INAVA: variants seen among roughly 807,000 people sequenced by gnomAD.
INAVA encodes the protein innate immunity activator protein.
INAVA carries 32 observed loss-of-function variants against 55.3 expected under a neutral mutation model. The observed-to-expected ratio is 0.58, with a 90% CI of 0.44 to 0.78. INAVA has a LOEUF of 0.78. Among genes scored for constraint, INAVA ranks in the 30% least tolerant of loss-of-function variants. The pLI is 0.00. For synonymous variants in INAVA, 294 were observed against 329.4 expected (o/e 0.89, Z 1.16); for missense variants, 756 against 786.4 (o/e 0.96, Z 0.46).
Position 200,899,545 on chromosome 1 carries a change from C to T in INAVA, c.128C>T (p.Ala43Val), listed in dbSNP as rs181832255. 3.5e-5 allele frequency: 56 copies of T among 1,613,680 alleles called. No individual in the cohort carries two copies. The East Asian group carries it at 1.0e-3, about 30-fold the overall frequency. The stretch of plus-strand genomic sequence containing the variant: ...CACAAGCAGCAGAGGGCCCTGGAAG[C>T]GAGGCTGGAGGCCTGCCTGGAGGAG... The part of the protein sequence containing the change: ...AVHKQQRALE[A>V]RLEACLEELR... The change falls in exon 3 of 10, where the codon GCG becomes GTG. Residue 43 changes from alanine to valine, a missense_variant. This residue lies in a region of INAVA where 639 missense variants were observed against 624.3 expected (regional missense o/e 1.02). Transcript: ENST00000413687.
intron 5 of INAVA, chr1:200,903,044 A>C (rs1181877182): frequency 6.6e-6 from 1 of 152,264 alleles, no homozygotes; most frequent in East Asian, 1.9e-4. Context: ...GGCCAACTTC[A>C]GGCCCTGGGA....
chr1:200,904,051 T>C (rs904613272), intron 5 of INAVA, among the ~76,000 whole-genome samples: 7 of 152,000 alleles, frequency 4.6e-5, no homozygotes, highest in Non-Finnish European at 8.8e-5. Flanking sequence ...GATGCATCTG[T>C]TGATCAACAA....
rs534190177 is a variant in INAVA at position 200,910,685 on chromosome 1, G to A, written c.960-768G>A. 1.9e-3 allele frequency among the ~76,000 whole-genome samples: 295 copies of A among 152,312 alleles called. 1 individual carries two copies. Among genetic ancestry groups the A allele is most frequent in the African/African-American group, 6.4e-3 (265 of 41,560 alleles). ...CAACCTCCGCCTCTCAGGTTCAAGCGATTCTCCTGCCTCAGCCTCCTGAGT... is the reference window on the plus strand; with the variant it reads ...CAACCTCCGCCTCTCAGGTTCAAGCAATTCTCCTGCCTCAGCCTCCTGAGT... On this transcript the variant is annotated intron_variant, in intron 8 of 9. Transcript: ENST00000413687.
chr1:200,909,289 C>G lies in INAVA; in HGVS notation c.851C>G (p.Ser284Cys). The G allele has an allele frequency of 2.5e-6, 4 of 1,611,194 alleles. No individual in the cohort carries two copies. The highest frequency in any genetic ancestry group is 3.4e-6 in the Non-Finnish European group (4 of 1,178,374). The part of the protein sequence containing the change: ...ASSLWLLEPA[S>C]YHVVPIRGVP... ...AGCCTGTGGCTTCTGGAGCCTGCCT[C>G]CTACCACGTGGTTCCCATCCGTGGT... Residue 284 changes from serine (S) to cysteine (C), a missense_variant, in exon 8 of 10, where the codon TCC becomes TGC. By Grantham distance (112) the Ser-to-Cys change is moderately radical. Transcript: ENST00000413687.
Position 200,909,352 on chromosome 1 carries a change from C to T in INAVA, c.914C>T (p.Ala305Val). ...GQWQGRTSAPATPEIQGRRGQ... is the reference protein window; with the variant it reads ...GQWQGRTSAPVTPEIQGRRGQ... ...TGGCAGGGCCGCACCAGTGCCCCAG[C>T]CACCCCTGAGATACAGGGGAGGAGG... is the stretch of plus-strand genomic sequence containing the variant. Residue 305 changes from alanine (A) to valine (V), a missense_variant, in exon 8 of 10, where the codon GCC (alanine) becomes GTC (valine). Coordinates refer to ENST00000413687, the MANE Select transcript of INAVA (RefSeq NM_001142569.3). 1 of 1,609,796 alleles carries T rather than the reference C, an allele frequency of 6.2e-7. No individual in the cohort carries two copies. Among genetic ancestry groups the T allele is most frequent in the Non-Finnish European group, 8.5e-7 (1 of 1,177,796 alleles).
At chr1:200,906,010 G>A (rs917114786) in intron 5 of INAVA, among the ~76,000 whole-genome samples, 2 of 152,202 alleles carry the variant, frequency 1.3e-5, no homozygotes, top group African/African-American at 4.8e-5. Flanking sequence ...CCTCTGAGAC[G>A]TGGTTTCCTC....
chr1:200,913,511 C>A (rs776647559), intron 9 of INAVA, 26 bp from the exon 10 acceptor site: 1 of 1,601,486 alleles, frequency 6.2e-7, no homozygotes, highest in Non-Finnish European at 8.6e-7. Flanking sequence ...ATTTACCCAC[C>A]TGTCCTTTCT....
Position 200,900,174 on chromosome 1 carries a change from G to A in INAVA, c.251G>A (p.Arg84Lys), listed in dbSNP as rs1653179190. The A allele has an allele frequency of 6.2e-7, 1 of 1,614,038 alleles. No individual in the cohort carries two copies. ...PGEKAPKVRR[R>K]IGAAYKLDDW... Reference sequence around the variant, plus strand: ...GAAAAGGCCCCCAAGGTTCGCCGCAGGATCGGAGCGGCTTACAAACTGGAT... The same window carrying A: ...GAAAAGGCCCCCAAGGTTCGCCGCAAGATCGGAGCGGCTTACAAACTGGAT... Residue 84 changes from arginine to lysine, a missense_variant, in exon 4 of 10, where the codon AGG becomes AAG. Coordinates refer to ENST00000413687, the MANE Select transcript of INAVA (RefSeq NM_001142569.3).
chr1:200,905,223 G>T (rs547322465), intron 5 of INAVA, among the ~76,000 whole-genome samples: 8 of 152,276 alleles, frequency 5.3e-5, no homozygotes, highest in African/African-American at 1.9e-4. Flanking sequence ...GAAATCTACT[G>T]CCTGCTCTGG....
chr1:200,893,248 C>A (rs1017059386), upstream of INAVA, among the ~76,000 whole-genome samples: 4 of 152,264 alleles, frequency 2.6e-5, no homozygotes, highest in East Asian at 7.7e-4. Context: ...CACTGCTAGA[C>A]CCTGCTTAAT....
upstream of INAVA, chr1:200,891,678 C>T (rs1286635662): frequency 4.1e-6 from 6 of 1,480,764 alleles, no homozygotes; most frequent in Non-Finnish European, 4.5e-6. Context: ...GGCAGGCGGG[C>T]GGCGCCAGAG....
At chr1:200,900,269 T>C (rs747205352) in intron 4 of INAVA, 49 bp downstream of exon 4, 1 of 1,511,168 alleles carries the variant, frequency 6.6e-7, no homozygotes, top group Admixed American at 1.7e-5. Context: ...CCAAAGCTGA[T>C]CACTGAGACG....
At position 200,911,491 on chromosome 1, in the gene INAVA, G is replaced by A; in HGVS notation, c.998G>A (p.Arg333His). Reference protein sequence around the residue: ...SFRAGPEGRGRSAFPRRRPTH... With the variant: ...SFRAGPEGRGHSAFPRRRPTH... The stretch of plus-strand genomic sequence containing the variant: ...CGGGCGGGTCCTGAGGGCCGAGGTC[G>A]CAGCGCCTTTCCCCGCCGCCGCCCC... The change falls in exon 9 of 10, where the codon CGC (arginine) becomes CAC (histidine). Residue 333 changes from arginine to histidine, a missense_variant. Physicochemically the swap from Arg to His is conservative, Grantham distance 29. This residue lies in a region of INAVA where 639 missense variants were observed against 624.3 expected (regional missense o/e 1.02). Coordinates refer to ENST00000413687, the MANE Select transcript of INAVA (RefSeq NM_001142569.3). 6.2e-7 allele frequency: 1 copy of A among 1,613,472 alleles called. No homozygotes were observed.
At chr1:200,898,654 GGA>G in intron 2 of INAVA, among the ~76,000 whole-genome samples, 199 bp downstream of exon 2, 1 of 152,298 alleles carries the variant, frequency 6.6e-6, no homozygotes. Flanking sequence ...AGGGACATGT[GGA>G]GTTTTCCTCC....
intron 5 of INAVA, among the ~76,000 whole-genome samples, chr1:200,903,790 C>A (rs868552009): frequency 8.5e-6 from 1 of 117,170 alleles, no homozygotes; most frequent in African/African-American, 3.4e-5. Flanking sequence ...GTGACAAGAG[C>A]GAAACTCTGT....
intron 4 of INAVA, 116 bp downstream of exon 4, chr1:200,900,336 G>A: frequency 1.1e-6 from 1 of 909,886 alleles, no homozygotes; most frequent in African/African-American, 1.7e-5. Context: ...CACCCAGTGA[G>A]GGTGCTTGGC....
upstream of INAVA, chr1:200,891,662 C>A: frequency 6.7e-7 from 1 of 1,492,560 alleles, no homozygotes. Context: ...GAGTGGAGGG[C>A]GCAGGGGCAG....
At position 200,902,782 on chromosome 1, in the gene INAVA, G is replaced by A. The variant is rs533150919; in HGVS notation, c.520+1623G>A. 1.5e-3 allele frequency among the ~76,000 whole-genome samples: 229 copies of A among 152,336 alleles called. 2 individuals are homozygous for A. The highest frequency in any genetic ancestry group is 4.1e-3 in the African/African-American group (171 of 41,582). On this transcript the variant is annotated intron_variant, in intron 5 of 9. Transcript: ENST00000413687. ...TGCTCAGCAGCCTCCCCTGCCCACC[G>A]GGGCTGCCATTGCTGGGAGCTTCTG...
intron 8 of INAVA, 109 bp downstream of exon 8, chr1:200,909,506 T>C (rs950856314): frequency 1.0e-6 from 1 of 1,003,432 alleles, no homozygotes; most frequent in African/African-American, 1.7e-5. Flanking sequence ...ACATGGCTAG[T>C]GCCTTGACTT....
Sources: gnomAD v4.1 joint callset for allele counts (sites outside exome capture counted in the v4.1 genomes callset) on GRCh38, gnomAD v4.1.1 for gene constraint, gnomAD v4.1.1 regional missense constraint, MANE v1.5 for transcripts, NCBI Gene and HGNC (gene_info 2026-07-23, HGNC 2026-07-21) for gene names.